The following ATRNL1 variants were observed in gnomAD, a reference collection of about 807,000 sequenced individuals.
The protein encoded by ATRNL1 is attractin-like protein 1.
ATRNL1 carries 95 observed loss-of-function variants against 182.7 expected under a neutral mutation model. That is an observed-to-expected ratio of 0.52 (90% CI 0.44 to 0.62). The LOEUF (loss-of-function observed/expected upper bound fraction) is 0.62. Among genes scored for constraint, ATRNL1 ranks in the 20% least tolerant of loss-of-function variants. The probability of loss-of-function intolerance (pLI) is 0.00; values close to 1 mark genes in which losing one functional copy is unlikely to be tolerated. For synonymous variants in ATRNL1, 576 were observed against 568.3 expected, an observed-to-expected ratio of 1.01 and a Z score of -0.19; for missense variants, 1,471 against 1,679.5, an observed-to-expected ratio of 0.88 and a Z score of 2.17.
chr10:115,258,070 C>A (rs1851233192), intron 10 of ATRNL1, among the ~76,000 whole-genome samples: 1 of 152,130 alleles, frequency 6.6e-6, no homozygotes, highest in Non-Finnish European at 1.5e-5. Context: ...CTTGGTGAAT[C>A]CAACAATTAT....
At position 115,315,621 on chromosome 10, in the gene ATRNL1, AG is replaced by A; in HGVS notation, c.2924del (p.Gly975ValfsTer7). The part of the protein sequence containing the change: ...SNTGRGHCIE[G>X]SSRGPMKLIG... ...ATACAGGAAGAGGACATTGCATTGA[AG>A]GTTCTTCACGGGGACCAATGAAGCT... On this transcript the variant is annotated frameshift_variant, in exon 18 of 29. Transcript: ENST00000355044. LOFTEE classifies it high-confidence loss of function. 6.2e-7 allele frequency: 1 copy of A among 1,613,974 alleles called. No individual in the cohort carries two copies. The highest frequency in any genetic ancestry group is 8.5e-7 in the Non-Finnish European group (1 of 1,179,962).
At chr10:115,101,600 T>C (rs1843770334) in intron 1 of ATRNL1, among the ~76,000 whole-genome samples, 1 of 152,212 alleles carries the variant, frequency 6.6e-6, no homozygotes, top group African/African-American at 2.4e-5. Flanking sequence ...GGATTTGGTT[T>C]GTTAAAGTTT....
intron 19 of ATRNL1, among the ~76,000 whole-genome samples, chr10:115,370,910 AT>A (rs1463995949): frequency 1.3e-5 from 2 of 152,052 alleles, no homozygotes; most frequent in African/African-American, 4.8e-5. Flanking sequence ...GGAGGAAAAC[AT>A]TTTTTGTAGG....
At chr10:115,924,099 G>GT (rs1423096924) in intron 28 of ATRNL1, among the ~76,000 whole-genome samples, 1 of 152,022 alleles carries the variant, frequency 6.6e-6, no homozygotes, top group Non-Finnish European at 1.5e-5. Flanking sequence ...TTATGGGGTT[G>GT]TTTTTTTCTT....
At chr10:115,850,075 A>C (rs1555100065) in intron 28 of ATRNL1, among the ~76,000 whole-genome samples, 1 of 152,220 alleles carries the variant, frequency 6.6e-6, no homozygotes, top group Non-Finnish European at 1.5e-5. Context: ...TCAAGCTCTT[A>C]GAGGAGTAAG....
chr10:115,666,129 CT>C lies in ATRNL1; in HGVS notation c.3796-61118del, dbSNP rs541478248. On this transcript the variant is annotated intron_variant, in intron 26 of 28. Coordinates refer to ENST00000355044, the MANE Select transcript of ATRNL1 (RefSeq NM_207303.4). Reference sequence around the variant, plus strand: ...GGAAAGATAGCTGTAAAAAGTTTCACTGACAAAAATATAGATTCTTTCTCAA... The same window carrying C: ...GGAAAGATAGCTGTAAAAAGTTTCACGACAAAAATATAGATTCTTTCTCAA... Among the ~76,000 whole-genome samples the C allele has an allele frequency of 1.9e-4, 29 of 152,200 alleles. No homozygotes were observed. In the South Asian group the frequency reaches 6.0e-3, roughly 32 times the overall value.
intron 9 of ATRNL1, among the ~76,000 whole-genome samples, chr10:115,231,519 G>GAT (rs1489775483): frequency 2.0e-5 from 3 of 152,074 alleles, no homozygotes; most frequent in African/African-American, 7.2e-5. Flanking sequence ...TGTGGGACAA[G>GAT]ATATATATAT....
chr10:115,557,404 G>A lies in ATRNL1; in HGVS notation c.3795+7868G>A, dbSNP rs182835467. Among the ~76,000 whole-genome samples the A allele has an allele frequency of 6.9e-3, 1,048 of 152,174 alleles. 13 individuals are homozygous for A. The highest frequency in any genetic ancestry group is 0.01 in the South Asian group (50 of 4,824). On this transcript the variant is annotated intron_variant, in intron 26 of 28. Coordinates refer to ENST00000355044, the MANE Select transcript of ATRNL1 (RefSeq NM_207303.4). ...TTCAAATTTAAGAAGTCAGAGAGAA[G>A]ACAAGCACCCAGCATGAATACTGGA...
At chr10:115,867,069 A>G (rs890623214) in intron 28 of ATRNL1, among the ~76,000 whole-genome samples, 4 of 152,222 alleles carry the variant, frequency 2.6e-5, no homozygotes, top group Non-Finnish European at 5.9e-5. Flanking sequence ...AATTCTGACC[A>G]GTAAAGATGA....
chr10:115,441,245 G>T lies in ATRNL1; in HGVS notation c.3322+14943G>T, dbSNP rs782426178. On this transcript the variant is annotated intron_variant, in intron 21 of 28. Coordinates refer to ENST00000355044, the MANE Select transcript of ATRNL1 (RefSeq NM_207303.4). ...ATATACATGTTTTAATATATCTTAT[G>T]TTAAAAATAAAATTTTTCTACTCCC... 1.4e-4 allele frequency among the ~76,000 whole-genome samples: 22 copies of T among 151,842 alleles called. No homozygotes were observed. The Middle Eastern group carries it at 0.017, about 117-fold the overall frequency.
intron 13 of ATRNL1, among the ~76,000 whole-genome samples, chr10:115,271,929 C>T (rs1181578976): frequency 6.6e-6 from 1 of 152,134 alleles, no homozygotes. Flanking sequence ...GGAGTGGATC[C>T]CTCATGAATG....
intron 8 of ATRNL1, among the ~76,000 whole-genome samples, chr10:115,191,268 T>G (rs1382637520): frequency 1.3e-5 from 2 of 152,116 alleles, no homozygotes; most frequent in African/African-American, 2.4e-5. Context: ...GGTAGTTCTA[T>G]TTTTAGTTTT....
intron 9 of ATRNL1, among the ~76,000 whole-genome samples, chr10:115,222,720 A>T (rs1188579538): frequency 6.6e-6 from 1 of 152,184 alleles, no homozygotes; most frequent in African/African-American, 2.4e-5. Flanking sequence ...ATGTAAGCAA[A>T]ATAAGAGCAT....
intron 17 of ATRNL1, among the ~76,000 whole-genome samples, chr10:115,311,566 G>C (rs1316188092): frequency 1.3e-5 from 2 of 152,158 alleles, no homozygotes; most frequent in Non-Finnish European, 2.9e-5. Flanking sequence ...TCCATGTGCT[G>C]ATGAGAAGAA....
At chr10:115,498,725 TG>T (rs1819245841) in intron 24 of ATRNL1, among the ~76,000 whole-genome samples, 1 of 151,966 alleles carries the variant, frequency 6.6e-6, no homozygotes, top group Non-Finnish European at 1.5e-5. Flanking sequence ...TTAGTCGTTT[TG>T]TTTCCTTAAC....
At chr10:115,121,039 C>G (rs1269947384) in intron 2 of ATRNL1, among the ~76,000 whole-genome samples, 2 of 152,112 alleles carry the variant, frequency 1.3e-5, no homozygotes, top group East Asian at 3.9e-4. Context: ...CAAAATGCAC[C>G]CATTTTTAAG....
chr10:115,522,613 C>T (rs1851002183), intron 25 of ATRNL1, among the ~76,000 whole-genome samples: 2 of 152,138 alleles, frequency 1.3e-5, no homozygotes, highest in Admixed American at 1.3e-4. Context: ...TTCTCACATA[C>T]AAAATATAAT....
At chr10:115,912,263 T>C (rs1952703705) in intron 28 of ATRNL1, among the ~76,000 whole-genome samples, 1 of 152,146 alleles carries the variant, frequency 6.6e-6, no homozygotes, top group African/African-American at 2.4e-5. Context: ...AACATATCCA[T>C]ACAATGAAGG....
At chr10:115,202,449 T>C (rs1184592022) in intron 8 of ATRNL1, among the ~76,000 whole-genome samples, 4 of 152,160 alleles carry the variant, frequency 2.6e-5, no homozygotes, top group Admixed American at 1.3e-4. Context: ...GAAGGGCTGT[T>C]GAATTTTGTC....
Sources: gnomAD v4.1 joint callset for allele counts (sites outside exome capture counted in the v4.1 genomes callset) on GRCh38, gnomAD v4.1.1 for gene constraint, MANE v1.5 for transcripts, NCBI Gene and HGNC (gene_info 2026-07-23, HGNC 2026-07-21) for gene names.